Variants in PHLPP2 observed in about 807,000 individuals in gnomAD.
PHLPP2 encodes PH domain and leucine rich repeat protein phosphatase 2.
A neutral mutation model predicts 124.9 loss-of-function variants in PHLPP2; 66 were observed. The ratio of observed to expected loss-of-function variants is 0.53; its 90% CI spans 0.43 to 0.65. The LOEUF (loss-of-function observed/expected upper bound fraction) is 0.65, where lower values mean the gene tolerates loss of function less well. Among genes scored for constraint, PHLPP2 ranks in the 30% least tolerant of loss-of-function variants. The probability of loss-of-function intolerance (pLI) is 0.00; values close to 1 mark genes in which losing one functional copy is unlikely to be tolerated. For missense variants in PHLPP2, 1,685 were observed against 1,600.4 expected, an observed-to-expected ratio of 1.05 and a Z score of -0.90; for synonymous variants, 681 against 624.7, an observed-to-expected ratio of 1.09 and a Z score of -1.34.
Position 71,649,952 on chromosome 16 carries a change from G to A in PHLPP2, c.2910C>T (p.Ser970=). The change falls in exon 19 of 19, where the codon TCC becomes TCT. Residue 970 remains serine (S), a synonymous_variant. Coordinates refer to ENST00000568954, the MANE Select transcript of PHLPP2 (RefSeq NM_015020.3). The part of the protein sequence containing the change: ...PWILPKPHIS[S]TPLTIQDELL... ...ACTCATCTTGAATGGTCAGCGGAGT[G>A]GAAGATATGTGGGGCTTGGGGAGGA... The A allele has an allele frequency of 6.2e-7, 1 of 1,614,124 alleles. No homozygotes were observed. The highest frequency in any genetic ancestry group is 1.6e-4 in the Middle Eastern group (1 of 6,062).
chr16:71,653,589 C>G (rs547839613), intron 17 of PHLPP2, among the ~76,000 whole-genome samples: 91 of 152,298 alleles, frequency 6.0e-4, no homozygotes, highest in Non-Finnish European at 4.4e-4. Flanking sequence ...TAACGAGGAA[C>G]AGACACTAGC....
chr16:71,667,428 T>C, intron 11 of PHLPP2, 95 bp from the exon 12 acceptor site: 3 of 901,782 alleles, frequency 3.3e-6, no homozygotes, highest in East Asian at 2.6e-5. Context: ...TTAGTTAACT[T>C]ATAGAAACAT....
chr16:71,717,155 A>T (rs886187583), intron 1 of PHLPP2, among the ~76,000 whole-genome samples: 6 of 152,244 alleles, frequency 3.9e-5, no homozygotes, highest in African/African-American at 1.4e-4. Context: ...GAATGGGAGT[A>T]AATAAAATAC....
At chr16:71,703,619 TGGCTAAACGTATA>T (rs945195225) in intron 2 of PHLPP2, among the ~76,000 whole-genome samples, 141 of 152,294 alleles carry the variant, frequency 9.3e-4, no homozygotes, top group African/African-American at 3.1e-3. Context: ...ATAAATACAG[TGGCTAAACGTATA>T]GGCTCCAACA....
At position 71,656,522 on chromosome 16, in the gene PHLPP2, C is replaced by T. The variant is rs747916010; in HGVS notation, c.2390+49G>A. ...TGAGCATCAGGCCAGTTCTCAGATG[C>T]CAGGGGCTGCCTTTTTTCTTTCTCA... On this transcript the variant is annotated intron_variant, in intron 16 of 18. Transcript: ENST00000568954. 3.7e-6 allele frequency: 4 copies of T among 1,079,934 alleles called. No individual in the cohort carries two copies. In the Admixed American group the frequency reaches 6.9e-5, roughly 19 times the overall value. 66.9% of individuals were successfully genotyped at this position (1,079,934 alleles called of 1,614,324 possible). A position where few individuals can be genotyped will look rare whatever the true frequency, so the allele number is the denominator to read the frequency against.
At chr16:71,718,663 C>G (rs891694310) in intron 1 of PHLPP2, among the ~76,000 whole-genome samples, 1 of 150,886 alleles carries the variant, frequency 6.6e-6, no homozygotes, top group Admixed American at 6.6e-5. Context: ...GTCAGGGGTT[C>G]AAGACCAGCC....
Position 71,647,527 on chromosome 16 carries a change from TG to T in PHLPP2, c.*1362del, listed in dbSNP as rs2044661912. Reference sequence around the variant, plus strand: ...GGAGAAGGAACAAGTCTAACCTGAGTGCTCCATCCATCTGTTCTCATTGGCC... The same window carrying T: ...GGAGAAGGAACAAGTCTAACCTGAGTCTCCATCCATCTGTTCTCATTGGCC... On this transcript the variant is annotated 3_prime_UTR_variant, in exon 19 of 19. Transcript: ENST00000568954. The T allele has an allele frequency of 1.3e-5, 2 of 152,212 alleles. No homozygotes were observed. The highest frequency in any genetic ancestry group is 4.8e-5 in the African/African-American group (2 of 41,430). 9.4% of individuals were successfully genotyped at this position (152,212 alleles called of 1,614,324 possible).
intron 1 of PHLPP2, chr16:71,723,148 A>T (rs1358285724): frequency 6.6e-6 from 1 of 152,268 alleles, no homozygotes; most frequent in African/African-American, 2.4e-5. Context: ...ACGCCCAGCA[A>T]GTCCCCGCGA....
intron 13 of PHLPP2, among the ~76,000 whole-genome samples, chr16:71,661,658 TA>T (rs1419629445): frequency 6.6e-6 from 1 of 151,878 alleles, no homozygotes; most frequent in Non-Finnish European, 1.5e-5. Flanking sequence ...AATGTAAAAG[TA>T]AAAAGTCATT....
chr16:71,676,337 A>T, intron 9 of PHLPP2, 110 bp downstream of exon 9: 1 of 787,072 alleles, frequency 1.3e-6, no homozygotes, highest in South Asian at 1.7e-5. Context: ...TCAATGAGCC[A>T]CAAACCCCAT....
intron 15 of PHLPP2, 69 bp downstream of exon 15, chr16:71,658,164 C>A: frequency 7.3e-7 from 1 of 1,376,634 alleles, no homozygotes; most frequent in Admixed American, 1.9e-5. Context: ...CTCCACAGTA[C>A]TAAGGAAGAC....
At chr16:71,672,984 T>A (rs545763202) in intron 9 of PHLPP2, among the ~76,000 whole-genome samples, 2 of 152,258 alleles carry the variant, frequency 1.3e-5, no homozygotes, top group Non-Finnish European at 1.5e-5. Context: ...TCTGGCTTCA[T>A]TCACTCCACA....
intron 11 of PHLPP2, among the ~76,000 whole-genome samples, chr16:71,668,967 A>G (rs1481721892): frequency 1.3e-5 from 2 of 152,234 alleles, no homozygotes; most frequent in African/African-American, 4.8e-5. Context: ...CTCAGCTTAT[A>G]ATAGCTCATC....
At chr16:71,662,069 G>A (rs575901884) in intron 13 of PHLPP2, among the ~76,000 whole-genome samples, 5 of 151,442 alleles carry the variant, frequency 3.3e-5, no homozygotes, top group East Asian at 2.0e-4. Flanking sequence ...TGATCCGCCC[G>A]CCTCGGCCTG....
At chr16:71,676,851 C>A (rs1015602003) in intron 8 of PHLPP2, 14 of 527,404 alleles carry the variant, frequency 2.7e-5, no homozygotes, top group Non-Finnish European at 3.7e-5. Context: ...CAGGTTAAAG[C>A]GATTCTCCTG....
Position 71,702,790 on chromosome 16 carries a change from A to T in PHLPP2, c.285-59T>A. On this transcript the variant is annotated intron_variant, in intron 2 of 18. Coordinates refer to ENST00000568954, the MANE Select transcript of PHLPP2 (RefSeq NM_015020.3). ...GGTAAGTAATAAAAATGGTTCATTTAATTTTTTAGTATTTTTATTTGTATA... is the reference window on the plus strand; with the variant it reads ...GGTAAGTAATAAAAATGGTTCATTTTATTTTTTAGTATTTTTATTTGTATA... 11 of 1,071,230 alleles carry T rather than the reference A, an allele frequency of 1.0e-5. No individual in the cohort carries two copies. In the South Asian group the frequency reaches 1.8e-4, roughly 17 times the overall value. The allele number at this position is 1,071,230 out of a possible 1,614,324, so 66.4% of individuals were successfully genotyped here.
Position 71,652,926 on chromosome 16 carries a change from G to C in PHLPP2, c.2681C>G (p.Thr894Ser). ...TTGGCACGTGCCAACATTGGCTACAGTCAAGCTAAAGCTACTTGCTGGATC... is the reference window on the plus strand; with the variant it reads ...TTGGCACGTGCCAACATTGGCTACACTCAAGCTAAAGCTACTTGCTGGATC... ...TADPASSFSL[T>S]VANVGTCQAV... The change falls in exon 18 of 19, where the codon ACT becomes AGT. Residue 894 changes from threonine to serine, a missense_variant. Coordinates refer to ENST00000568954, the MANE Select transcript of PHLPP2 (RefSeq NM_015020.3). 6.2e-7 allele frequency: 1 copy of C among 1,614,108 alleles called. No individual in the cohort carries two copies. Among genetic ancestry groups the C allele is most frequent in the Non-Finnish European group, 8.5e-7 (1 of 1,179,996 alleles).
chr16:71,723,666 CGCGGG>C, intron 1 of PHLPP2: 1 of 494,400 alleles, frequency 2.0e-6, no homozygotes, highest in Non-Finnish European at 3.1e-6. Context: ...TCAGCCACTG[CGCGGG>C]GCGGGGGCGG....
At chr16:71,665,630 C>T (rs919050740) in intron 12 of PHLPP2, among the ~76,000 whole-genome samples, 6 of 152,106 alleles carry the variant, frequency 3.9e-5, no homozygotes, top group African/African-American at 1.4e-4. Flanking sequence ...TGTGTGTCTG[C>T]TTGTGCTGTG....
Sources: gnomAD v4.1 joint callset for allele counts (sites outside exome capture counted in the v4.1 genomes callset) on GRCh38, gnomAD v4.1.1 for gene constraint, MANE v1.5 for transcripts, NCBI Gene and HGNC (gene_info 2026-07-23, HGNC 2026-07-21) for gene names.